Variants in MGAT4C observed in about 807,000 individuals in gnomAD.
MGAT4C encodes the protein alpha-1,3-mannosyl-glycoprotein 4-beta-N-acetylglucosaminyltransferase C.
MGAT4C carries 19 observed loss-of-function variants against 40.1 expected under a neutral mutation model. The ratio of observed to expected loss-of-function variants is 0.47; its 90% CI spans 0.33 to 0.70. The LOEUF is 0.70. Among genes scored for constraint, MGAT4C ranks in the 30% least tolerant of loss-of-function variants. The probability of loss-of-function intolerance (pLI) is 0.02; values close to 1 mark genes in which losing one functional copy is unlikely to be tolerated. For synonymous variants in MGAT4C, 181 were observed against 187.1 expected, an observed-to-expected ratio of 0.97 and a Z score of 0.27; for missense variants, 491 against 563.2, an observed-to-expected ratio of 0.87 and a Z score of 1.30.
At chr12:86,437,073 T>C (rs959782471) in intron 2 of MGAT4C, among the ~76,000 whole-genome samples, 1 of 151,664 alleles carries the variant, frequency 6.6e-6, no homozygotes, top group South Asian at 2.1e-4. Flanking sequence ...GGCAGTGAGT[T>C]AATTTATAAA....
chr12:86,322,367 TA>T (rs879696854), intron 4 of MGAT4C, among the ~76,000 whole-genome samples: 165 of 144,052 alleles, frequency 1.1e-3, no homozygotes, highest in Middle Eastern at 3.5e-3. Context: ...GAACTTAAAG[TA>T]AAAAAAAAAA....
At chr12:86,325,936 T>C (rs1311188934) in intron 4 of MGAT4C, among the ~76,000 whole-genome samples, 1 of 152,148 alleles carries the variant, frequency 6.6e-6, no homozygotes, top group African/African-American at 2.4e-5. Context: ...GTCATTTTTA[T>C]TCTATTTATT....
chr12:86,472,406 G>T (rs1166167587), intron 2 of MGAT4C, among the ~76,000 whole-genome samples: 1 of 151,924 alleles, frequency 6.6e-6, no homozygotes, highest in Non-Finnish European at 1.5e-5. Context: ...ATCCTTTTTT[G>T]CCTTACCTTC....
chr12:86,834,037 T>C (rs568435740), intron 1 of MGAT4C, among the ~76,000 whole-genome samples: 12 of 152,048 alleles, frequency 7.9e-5, no homozygotes, highest in Admixed American at 3.3e-4. Flanking sequence ...TAGTATTTCA[T>C]TGTGTATATA....
intron 1 of MGAT4C, among the ~76,000 whole-genome samples, chr12:86,164,684 G>T (rs1250427255): frequency 1.3e-5 from 2 of 152,156 alleles, no homozygotes; most frequent in Non-Finnish European, 1.5e-5. Flanking sequence ...ATGGGCAGAA[G>T]AAGGAGCATG....
In MGAT4C at chr12:86,465,705, C is replaced by A. The variant is rs796096600; in HGVS notation, c.-228-30440G>T. On this transcript the variant is annotated intron_variant, in intron 2 of 7. Coordinates refer to the MGAT4C transcript ENST00000548651. ...ATACCCTGCAAGCCTATTAGATGGTCAAAAATTCACAACACTGACAACACT... is the reference window on the plus strand; with the variant it reads ...ATACCCTGCAAGCCTATTAGATGGTAAAAAATTCACAACACTGACAACACT... 2.6e-5 allele frequency among the ~76,000 whole-genome samples: 4 copies of A among 152,190 alleles called. 1 individual carries two copies. The highest frequency in any genetic ancestry group is 7.2e-5 in the African/African-American group (3 of 41,540).
chr12:86,510,718 T>G (rs976516311), intron 2 of MGAT4C, among the ~76,000 whole-genome samples: 44 of 151,872 alleles, frequency 2.9e-4, no homozygotes, highest in African/African-American at 1.0e-3. Context: ...AGACTTTAAA[T>G]CAACAAAGAT....
chr12:86,487,087 A>C, intron 2 of MGAT4C, among the ~76,000 whole-genome samples: 1 of 152,196 alleles, frequency 6.6e-6, no homozygotes, highest in East Asian at 1.9e-4. Context: ...AATCAGAATA[A>C]TTATGCTATC....
chr12:86,249,658 A>G (rs534148309), intron 1 of MGAT4C, among the ~76,000 whole-genome samples: 2 of 152,278 alleles, frequency 1.3e-5, no homozygotes, highest in African/African-American at 4.8e-5. Context: ...ACCTTGGTGC[A>G]AATTTTTAGC....
chr12:86,398,727 A>C (rs1334907800), intron 3 of MGAT4C, among the ~76,000 whole-genome samples: 5 of 151,768 alleles, frequency 3.3e-5, no homozygotes, highest in Non-Finnish European at 7.4e-5. Context: ...CAGGCCTTAG[A>C]AACTAAAAAT....
intron 1 of MGAT4C, among the ~76,000 whole-genome samples, chr12:86,190,154 T>C (rs1191256015): frequency 6.6e-6 from 1 of 152,010 alleles, no homozygotes; most frequent in African/African-American, 2.4e-5. Context: ...AAGAAAACAT[T>C]AAGGAAATGG....
At chr12:86,513,102 T>C (rs1958621656) in intron 2 of MGAT4C, among the ~76,000 whole-genome samples, 1 of 152,122 alleles carries the variant, frequency 6.6e-6, no homozygotes, top group Admixed American at 6.6e-5. Context: ...AATGTGTATG[T>C]ATGTATCCCC....
At chr12:86,313,014 T>A (rs1427883491) in intron 4 of MGAT4C, among the ~76,000 whole-genome samples, 1 of 152,172 alleles carries the variant, frequency 6.6e-6, no homozygotes, top group African/African-American at 2.4e-5. Flanking sequence ...TTAGTGTGCA[T>A]AAAATGGAGC....
chr12:86,247,027 T>C (rs1952065669), intron 1 of MGAT4C, among the ~76,000 whole-genome samples: 1 of 152,208 alleles, frequency 6.6e-6, no homozygotes, highest in African/African-American at 2.4e-5. Context: ...CACACTCACA[T>C]ACACAGTTTC....
intron 1 of MGAT4C, among the ~76,000 whole-genome samples, chr12:86,062,540 C>T (rs1277921768): frequency 6.6e-6 from 1 of 151,970 alleles, no homozygotes; most frequent in Admixed American, 6.6e-5. Flanking sequence ...GACGAATTGA[C>T]AGAAGTAGGC....
chr12:86,007,706 C>T (rs567736183), intron 2 of MGAT4C, among the ~76,000 whole-genome samples: 9 of 152,112 alleles, frequency 5.9e-5, no homozygotes, highest in South Asian at 4.1e-4. Flanking sequence ...CAGTATTTTT[C>T]GATGAGCAGC....
intron 1 of MGAT4C, among the ~76,000 whole-genome samples, chr12:86,102,565 T>G (rs78546222): frequency 6.6e-6 from 1 of 152,000 alleles, no homozygotes; most frequent in Non-Finnish European, 1.5e-5. Flanking sequence ...AGTTTAGAAG[T>G]GAAGTATTTT....
intron 1 of MGAT4C, among the ~76,000 whole-genome samples, chr12:86,770,054 C>T: frequency 6.6e-6 from 1 of 151,820 alleles, no homozygotes; most frequent in East Asian, 1.9e-4. Flanking sequence ...AGCTTTATTC[C>T]ATTAAAAATT....
At chr12:86,344,784 GA>G (rs1174545004) in intron 3 of MGAT4C, among the ~76,000 whole-genome samples, 2 of 151,086 alleles carry the variant, frequency 1.3e-5, no homozygotes, top group African/African-American at 4.9e-5. Context: ...GTAGCGGCAA[GA>G]GGGGCACATT....
Sources: gnomAD v4.1 joint callset for allele counts (sites outside exome capture counted in the v4.1 genomes callset) on GRCh38, gnomAD v4.1.1 for gene constraint, MANE v1.5 for transcripts, NCBI Gene and HGNC (gene_info 2026-07-23, HGNC 2026-07-21) for gene names.